MTCL1: variants seen among roughly 807,000 people sequenced by gnomAD.
MTCL1 encodes microtubule crosslinking factor 1.
In MTCL1, 79 loss-of-function variants were observed where a neutral mutation model predicts 141.4. That is an observed-to-expected ratio of 0.56 (90% CI 0.47 to 0.67). The LOEUF (loss-of-function observed/expected upper bound fraction) is 0.67. Ranked by LOEUF, MTCL1 falls within the 30% of genes least tolerant of loss-of-function variation. The pLI, the probability that MTCL1 is intolerant of heterozygous loss-of-function variation, is 0.00. For synonymous variants in MTCL1, 914 were observed against 875.8 expected, an observed-to-expected ratio of 1.04 and a Z score of -0.77; for missense variants, 2,177 against 2,113.9, an observed-to-expected ratio of 1.03 and a Z score of -0.59.
chr18:8,710,266 G>A (rs2096079847), intron 1 of MTCL1, among the ~76,000 whole-genome samples: 1 of 152,216 alleles, frequency 6.6e-6, no homozygotes, highest in African/African-American at 2.4e-5. Flanking sequence ...ATCAAATGGT[G>A]CCTGGGTGAC....
At chr18:8,755,233 T>C (rs1010718610) in intron 4 of MTCL1, among the ~76,000 whole-genome samples, 1 of 152,236 alleles carries the variant, frequency 6.6e-6, no homozygotes, top group African/African-American at 2.4e-5. Flanking sequence ...GGGCAGGACC[T>C]AGGCCTTCTC....
intron 4 of MTCL1, among the ~76,000 whole-genome samples, chr18:8,738,307 G>T (rs2096284101): frequency 6.6e-6 from 1 of 152,180 alleles, no homozygotes; most frequent in Non-Finnish European, 1.5e-5. Context: ...GGATTTATGG[G>T]TATTACACAT....
exon 11 of MTCL1, chr18:8,807,015 G>C: frequency 6.2e-7 from 1 of 1,613,786 alleles, no homozygotes; most frequent in Non-Finnish European, 8.5e-7. Context: ...GCGACAAGGC[G>C]GCCTGGGACG....
chr18:8,706,679 T>A, exon 1 of MTCL1: 2 of 1,546,254 alleles, frequency 1.3e-6, no homozygotes, highest in Non-Finnish European at 1.7e-6. Flanking sequence ...CTGCGGGAGA[T>A]GGAGGAGCTG....
intron 12 of MTCL1, among the ~76,000 whole-genome samples, chr18:8,817,443 G>A (rs9954356): frequency 0.33 from 49,722 of 151,732 alleles, 8,391 homozygotes; most frequent in African/African-American, 0.39. Flanking sequence ...AGCTTTGGCT[G>A]AATCAGACTC....
chr18:8,819,035 T>C, exon 13 of MTCL1: 2 of 1,614,276 alleles, frequency 1.2e-6, no homozygotes, highest in Non-Finnish European at 1.7e-6. Context: ...CGTTCGCCCC[T>C]TTCCCCACCA....
At chr18:8,777,688 C>A (rs2096516682) in intron 4 of MTCL1, 145 bp from the exon 4 acceptor site, 1 of 683,670 alleles carries the variant, frequency 1.5e-6, no homozygotes, top group South Asian at 2.2e-5. Flanking sequence ...AAGCAAGAAA[C>A]AAATTTACAC....
Position 8,777,778 on chromosome 18 carries a change from G to A in MTCL1, c.358-55G>A, listed in dbSNP as rs2096517231. On this transcript the variant is annotated intron_variant, in intron 4 of 16. Coordinates refer to ENST00000359865, the Ensembl canonical transcript of MTCL1. ...ACCCATGGGGACGATGTTTGCTAAT[G>A]CTGGCTATCACGTGTGAGCCCTTGG... 7.8e-6 allele frequency: 12 copies of A among 1,538,702 alleles called. No homozygotes were observed. The Admixed American group carries it at 1.2e-4, about 15-fold the overall frequency.
intron 4 of MTCL1, among the ~76,000 whole-genome samples, chr18:8,749,642 A>C (rs1302009986): frequency 6.6e-6 from 1 of 152,224 alleles, no homozygotes; most frequent in Non-Finnish European, 1.5e-5. Flanking sequence ...GGCCCGAGAG[A>C]GTGACAAGAG....
Position 8,813,415 on chromosome 18 carries a change from A to G in MTCL1, c.2859+182A>G, listed in dbSNP as rs141283603. Among the ~76,000 whole-genome samples the G allele has an allele frequency of 9.6e-5, 14 of 145,994 alleles. No individual in the cohort carries two copies. The East Asian group carries it at 2.3e-3, about 24-fold the overall frequency. On this transcript the variant is annotated intron_variant, in intron 12 of 16. Transcript: ENST00000359865. Reference sequence around the variant, plus strand: ...TGGAGACCAAGGCTCATGCCTCTCCATGACACAGATCTTTTCTTTGCAAAG... The same window carrying G: ...TGGAGACCAAGGCTCATGCCTCTCCGTGACACAGATCTTTTCTTTGCAAAG...
intron 8 of MTCL1, 145 bp downstream of exon 7, chr18:8,793,265 C>A: frequency 9.0e-7 from 1 of 1,109,898 alleles, no homozygotes; most frequent in Non-Finnish European, 1.3e-6. Context: ...GTCACCCAGT[C>A]AAGCTGTCCC....
In MTCL1 at chr18:8,789,555, T is replaced by TGGGGA. The variant is rs1428512417; in HGVS notation, c.1888-3442_1888-3438dup. 3 of 985,320 alleles carry TGGGGA rather than the reference T, an allele frequency of 3.0e-6. No homozygotes were observed. In the African/African-American group the frequency reaches 5.2e-5, roughly 17 times the overall value. The allele number at this position is 985,320 out of a possible 1,614,324, so 61.0% of individuals were successfully genotyped here. Reference sequence around the variant, plus strand: ...CAATCAGTGTGGGATGCAGCTCTATTGGGGAAGACATGGACGGGAGTTCCG... The same window carrying TGGGGA: ...CAATCAGTGTGGGATGCAGCTCTATTGGGGAGGGGAAGACATGGACGGGAGTTCCG... On this transcript the variant is annotated intron_variant, in intron 7 of 16. Transcript: ENST00000359865.
intron 1 of MTCL1, among the ~76,000 whole-genome samples, chr18:8,711,135 C>T (rs1196051362): frequency 3.3e-5 from 5 of 150,988 alleles, no homozygotes; most frequent in African/African-American, 1.2e-4. Flanking sequence ...TGAGAATATG[C>T]GGTGTTTGGT....
At position 8,779,101 on chromosome 18, in the gene MTCL1, C is replaced by T. The variant is rs2096523899; in HGVS notation, c.417+1209C>T. On this transcript the variant is annotated intron_variant, in intron 5 of 16. Coordinates refer to ENST00000359865, the Ensembl canonical transcript of MTCL1. The surrounding 1 kb of genome is among the most constrained non-coding windows in gnomAD (Gnocchi z 4.1). ...CCAAAACCCAAAGGAAGCTGGCGCC[C>T]CGGCGCAAGGTAGGCACGTGGGCAG... Among the ~76,000 whole-genome samples the T allele has an allele frequency of 6.6e-6, 1 of 152,228 alleles. No homozygotes were observed. The highest frequency in any genetic ancestry group is 6.5e-5 in the Admixed American group (1 of 15,288).
chr18:8,813,839 G>A (rs550136556), intron 12 of MTCL1, among the ~76,000 whole-genome samples: 1 of 152,094 alleles, frequency 6.6e-6, no homozygotes, highest in African/African-American at 2.4e-5. Context: ...GAGGAGGGGG[G>A]TAGTCATTTT....
intron 5 of MTCL1, among the ~76,000 whole-genome samples, chr18:8,778,337 T>C (rs1175659502): frequency 1.3e-5 from 2 of 152,238 alleles, no homozygotes; most frequent in African/African-American, 4.8e-5. Flanking sequence ...TAATTGAAGG[T>C]AAAATATTCT....
intron 4 of MTCL1, among the ~76,000 whole-genome samples, chr18:8,735,471 C>G (rs552436722): frequency 6.6e-6 from 1 of 152,254 alleles, no homozygotes; most frequent in East Asian, 1.9e-4. Flanking sequence ...TCTGACCTGT[C>G]CTTCCTGGCT....
At chr18:8,757,950 G>C (rs2096410455) in intron 4 of MTCL1, among the ~76,000 whole-genome samples, 2 of 151,874 alleles carry the variant, frequency 1.3e-5, no homozygotes, top group South Asian at 4.1e-4. Flanking sequence ...AAGATAAAAG[G>C]AAATATCACA....
In MTCL1 at chr18:8,786,530, G is replaced by A. The variant is rs148132900; in HGVS notation, c.1887+439G>A. On this transcript the variant is annotated intron_variant, in intron 7 of 16. Transcript: ENST00000359865. ...TCTCATGTGACCATCCCACGGTCTC[G>A]AGTGACACTGCTGGCAGGTTGGTAG... The A allele has an allele frequency of 1.8e-3, 669 of 366,490 alleles. 3 individuals carry two copies. The highest frequency in any genetic ancestry group is 0.012 in the African/African-American group (589 of 47,254). 22.7% of individuals were successfully genotyped at this position (366,490 alleles called of 1,614,324 possible).
Sources: allele counts gnomAD v4.1 joint callset (sites outside exome capture counted in the v4.1 genomes callset), GRCh38; gene constraint gnomAD v4.1.1; non-coding constraint Gnocchi (gnomAD v3.1); transcripts MANE v1.5; gene names NCBI Gene and HGNC (gene_info 2026-07-23, HGNC 2026-07-21).